Variants in ATP8B4 observed in about 807,000 individuals in gnomAD.
The protein encoded by ATP8B4 is probable phospholipid-transporting ATPase IM.
A neutral mutation model predicts 145.6 loss-of-function variants in ATP8B4; 133 were observed. The observed-to-expected ratio is 0.91, with a 90% CI of 0.79 to 1.05. The LOEUF is 1.05. ATP8B4 is among the 50% of genes least tolerant of loss of function. The pLI is 0.00. For synonymous variants in ATP8B4, 507 were observed against 492.9 expected, an observed-to-expected ratio of 1.03 and a Z score of -0.38; for missense variants, 1,458 against 1,425.2, an observed-to-expected ratio of 1.02 and a Z score of -0.37.
At chr15:50,026,130 T>C (rs1351920606) in intron 6 of ATP8B4, among the ~76,000 whole-genome samples, 1 of 152,236 alleles carries the variant, frequency 6.6e-6, no homozygotes, top group Non-Finnish European at 1.5e-5. Context: ...CTGTCATCTC[T>C]ACTACTATTA....
At chr15:50,022,168 A>ATG (rs1294441937) in intron 6 of ATP8B4, among the ~76,000 whole-genome samples, 4 of 151,552 alleles carry the variant, frequency 2.6e-5, no homozygotes, top group African/African-American at 9.7e-5. Flanking sequence ...AAAAAATGCA[A>ATG]CAACAAGGGA....
At chr15:50,009,752 C>A (rs1567191806) in intron 7 of ATP8B4, 7 of 447,088 alleles carry the variant, frequency 1.6e-5, no homozygotes, top group Non-Finnish European at 3.1e-5. Context: ...GAGAACCTGG[C>A]AAACTGTTCT....
At chr15:49,997,216 C>T (rs2047505146) in intron 8 of ATP8B4, among the ~76,000 whole-genome samples, 1 of 152,048 alleles carries the variant, frequency 6.6e-6, no homozygotes, top group Admixed American at 6.6e-5. Flanking sequence ...AAAGGGAATA[C>T]AGCTTTCATT....
intron 3 of ATP8B4, among the ~76,000 whole-genome samples, chr15:50,066,993 A>C (rs1347274500): frequency 6.6e-6 from 1 of 151,826 alleles, no homozygotes; most frequent in Non-Finnish European, 1.5e-5. Flanking sequence ...ACTTTCCTAC[A>C]CTGTCCTCTC....
intron 26 of ATP8B4, among the ~76,000 whole-genome samples, chr15:49,864,703 A>G (rs1034984197): frequency 7.9e-5 from 12 of 152,172 alleles, no homozygotes; most frequent in Non-Finnish European, 1.6e-4. Context: ...CTGATGTTCA[A>G]ATTCCTCTGC....
At chr15:49,929,317 A>G (rs932081908) in intron 16 of ATP8B4, among the ~76,000 whole-genome samples, 1 of 152,158 alleles carries the variant, frequency 6.6e-6, no homozygotes, top group Non-Finnish European at 1.5e-5. Context: ...TAAATGGGAC[A>G]TGCATGTTAC....
At chr15:50,006,604 C>CGCCTGGAG (rs1163168878) in intron 7 of ATP8B4, among the ~76,000 whole-genome samples, 3 of 151,902 alleles carry the variant, frequency 2.0e-5, no homozygotes, top group African/African-American at 7.3e-5. Context: ...ACCCCAGTCA[C>CGCCTGGAG]GCCTGGAGTT....
intron 20 of ATP8B4, among the ~76,000 whole-genome samples, chr15:49,913,696 C>A (rs1309159019): frequency 6.6e-6 from 1 of 152,096 alleles, no homozygotes; most frequent in Non-Finnish European, 1.5e-5. Context: ...AATCAAGATA[C>A]AAAATCAGTA....
intron 1 of ATP8B4, 61 bp from the exon 2 acceptor site, chr15:50,107,069 T>C (rs1469531910): frequency 9.0e-7 from 1 of 1,115,842 alleles, no homozygotes; most frequent in African/African-American, 1.6e-5. Context: ...TAAATTTACC[T>C]CCTTTAACTT....
At chr15:50,034,489 A>G (rs143350365) in intron 6 of ATP8B4, among the ~76,000 whole-genome samples, 46 of 152,216 alleles carry the variant, frequency 3.0e-4, no homozygotes, top group Non-Finnish European at 5.3e-4. Context: ...TCAGCCTCCC[A>G]AAGTGCTGGG....
chr15:49,993,139 T>C (rs911076819), intron 9 of ATP8B4, among the ~76,000 whole-genome samples: 1 of 152,154 alleles, frequency 6.6e-6, no homozygotes, highest in Non-Finnish European at 1.5e-5. Flanking sequence ...CTACATACTT[T>C]GTTTTGCATC....
chr15:49,879,042 T>C (rs2034960014), intron 24 of ATP8B4, among the ~76,000 whole-genome samples: 2 of 152,212 alleles, frequency 1.3e-5, no homozygotes, highest in Admixed American at 1.3e-4. Flanking sequence ...TATGAAAACA[T>C]ATACAGTCAT....
rs1334434573 is a variant in ATP8B4, at chr15:50,052,110, A to G, written c.88-4646T>C. ...ATTTCCATTTCCACTGCCCTGTCCA[A>G]GCATATGAGTACTGCATTGGTAAGA... is the stretch of plus-strand genomic sequence containing the variant. On this transcript the variant is annotated intron_variant, in intron 3 of 27. Coordinates refer to ENST00000284509, the MANE Select transcript of ATP8B4 (RefSeq NM_024837.4). Among the ~76,000 whole-genome samples, 3 of 152,348 alleles carry G rather than the reference A, an allele frequency of 2.0e-5. No homozygotes were observed. The East Asian group carries it at 5.8e-4, about 29-fold the overall frequency.
chr15:49,997,967 G>C (rs1313727932), intron 8 of ATP8B4, among the ~76,000 whole-genome samples: 2 of 152,118 alleles, frequency 1.3e-5, no homozygotes, highest in Non-Finnish European at 1.5e-5. Flanking sequence ...TGACGGACAA[G>C]AGTGAGAAAA....
intron 6 of ATP8B4, among the ~76,000 whole-genome samples, chr15:50,024,927 T>C (rs1439751779): frequency 6.6e-6 from 1 of 152,114 alleles, no homozygotes; most frequent in African/African-American, 2.4e-5. Context: ...GACCTCACAC[T>C]CTCAAGTGCA....
At chr15:49,983,229 C>T (rs530956524) in intron 10 of ATP8B4, among the ~76,000 whole-genome samples, 5 of 152,308 alleles carry the variant, frequency 3.3e-5, no homozygotes, top group East Asian at 3.9e-4. Context: ...TTTAAACCTA[C>T]GTATTTTGTT....
chr15:49,889,296 ACTGGACTCAATGTCC>A (rs796893913), intron 23 of ATP8B4, among the ~76,000 whole-genome samples: 22 of 152,172 alleles, frequency 1.4e-4, no homozygotes, highest in African/African-American at 4.6e-4. Flanking sequence ...AAAACGAGGG[ACTGGACTCAATGTCC>A]CTGAAATTCT....
intron 14 of ATP8B4, among the ~76,000 whole-genome samples, chr15:49,961,249 G>A (rs1277121349): frequency 6.6e-6 from 1 of 152,058 alleles, no homozygotes. Context: ...CAATATTGAT[G>A]TACCCATTTT....
chr15:49,885,253 G>T (rs1443695770), intron 23 of ATP8B4, among the ~76,000 whole-genome samples: 1 of 152,114 alleles, frequency 6.6e-6, no homozygotes, highest in Non-Finnish European at 1.5e-5. Context: ...TGTACCCTCT[G>T]CCTGGAACAC....
Sources: gnomAD v4.1 joint callset for allele counts (sites outside exome capture counted in the v4.1 genomes callset) on GRCh38, gnomAD v4.1.1 for gene constraint, MANE v1.5 for transcripts, NCBI Gene and HGNC (gene_info 2026-07-23, HGNC 2026-07-21) for gene names.